FDPS: variants seen among roughly 807,000 people sequenced by gnomAD.
FDPS encodes the protein farnesyl pyrophosphate synthase.
In FDPS, 29 loss-of-function variants were observed where a neutral mutation model predicts 49.5. The observed-to-expected ratio is 0.59, with a 90% CI of 0.44 to 0.80. FDPS has a LOEUF of 0.80. FDPS is among the 30% of genes least tolerant of loss of function. The pLI is 0.00. For synonymous variants in FDPS, 172 were observed against 206.4 expected (o/e 0.83, Z 1.43); for missense variants, 414 against 525.6 (o/e 0.79, Z 2.08).
intron 4 of FDPS, chr1:155,317,699 GC>G (rs1009292367): frequency 5.6e-6 from 2 of 357,246 alleles, no homozygotes; most frequent in African/African-American, 2.1e-5. Flanking sequence ...AAAAAAAATA[GC>G]CAGGCATGGG....
In FDPS at chr1:155,318,150, T is replaced by C. The variant is rs1557980516; in HGVS notation, c.562-19T>C. On this transcript the variant is annotated intron_variant, in intron 5 of 10. Coordinates refer to ENST00000368356, the MANE Select transcript of FDPS (RefSeq NM_002004.4). The surrounding 1 kb of genome is among the most constrained non-coding windows in gnomAD (Gnocchi z 4.2). ...CGAGACTAGAGATTGATTGCTTGTT[T>C]TTCTGTCTGTCATGACAGCCGGGCG... The C allele has an allele frequency of 5.6e-6, 9 of 1,614,112 alleles. No homozygotes were observed. Among genetic ancestry groups the C allele is most frequent in the Non-Finnish European group, 5.9e-6 (7 of 1,180,014 alleles).
Position 155,317,968 on chromosome 1 carries a change from G to T in FDPS, c.508G>T (p.Asp170Tyr). The T allele has an allele frequency of 6.2e-7, 1 of 1,613,110 alleles. No individual in the cohort carries two copies. The highest frequency in any genetic ancestry group is 8.5e-7 in the Non-Finnish European group (1 of 1,180,026). Reference protein sequence around the residue: ...LLQAFFLVADDIMDSSLTRRG... With the variant: ...LLQAFFLVADYIMDSSLTRRG... ...GCAAGCTTTCTTCCTGGTGGCAGATGACATCATGGATTCATCCCTTACCCG... is the reference window on the plus strand; with the variant it reads ...GCAAGCTTTCTTCCTGGTGGCAGATTACATCATGGATTCATCCCTTACCCG... Residue 170 changes from aspartate to tyrosine, a missense_variant, in exon 5 of 11, where the codon GAC becomes TAC. Coordinates refer to ENST00000368356, the MANE Select transcript of FDPS (RefSeq NM_002004.4).
Position 155,309,942 on chromosome 1 carries a change from C to T in FDPS, c.153C>T (p.Cys51=), listed in dbSNP as rs752865589. 25 of 1,605,546 alleles carry T rather than the reference C, an allele frequency of 1.6e-5. 1 individual carries two copies. In the East Asian group the frequency reaches 5.4e-4, roughly 35 times the overall value. ...VLAWHSARCW[C]QAWTEEPRAL... Reference sequence around the variant, plus strand: ...CCTGGCACAGTGCCCGCTGCTGGTGCCAAGCGTGGACAGAGGAACCTCGGT... The same window carrying T: ...CCTGGCACAGTGCCCGCTGCTGGTGTCAAGCGTGGACAGAGGAACCTCGGT... Residue 51 remains cysteine, a synonymous_variant, in exon 2 of 11, where the codon TGC becomes TGT. Coordinates refer to ENST00000368356, the MANE Select transcript of FDPS (RefSeq NM_002004.4).
At position 155,309,983 on chromosome 1, in the gene FDPS, GA is replaced by G; in HGVS notation, c.176+19del. 1.2e-6 allele frequency: 2 copies of G among 1,610,362 alleles called. No individual in the cohort carries two copies. Among genetic ancestry groups the G allele is most frequent in the Non-Finnish European group, 1.7e-6 (2 of 1,177,772 alleles). On this transcript the variant is annotated intron_variant, in intron 2 of 10. Transcript: ENST00000368356. ...GAACCTCGGTGAGTGTGGTTGGGGT[GA>G]GGGGCCTTGGGGAGGGGAGCAGCTG...
At chr1:155,320,266 C>T (rs530309618) in intron 10 of FDPS, 143 bp from the exon 11 acceptor site, 26 of 736,488 alleles carry the variant, frequency 3.5e-5, no homozygotes, top group Non-Finnish European at 5.3e-5. Flanking sequence ...ATTTTAGCTA[C>T]GTAGAGACAC....
At chr1:155,316,776 G>T (rs1394903390) in intron 4 of FDPS, 1 of 149,684 alleles carries the variant, frequency 6.7e-6, no homozygotes, top group East Asian at 2.0e-4. Flanking sequence ...GGGTGATAGA[G>T]TGAGACTCTA....
chr1:155,318,078 A>G lies in FDPS; in HGVS notation c.561+57A>G, dbSNP rs1355715673. The G allele has an allele frequency of 1.9e-6, 3 of 1,609,398 alleles. No homozygotes were observed. Among genetic ancestry groups the G allele is most frequent in the Non-Finnish European group, 2.6e-6 (3 of 1,175,854 alleles). The stretch of plus-strand genomic sequence containing the variant: ...GGGGACAGGCCACAGGGAGGTGGTT[A>G]TATATGGCCTGGTTGAGGTGTTGGG... On this transcript the variant is annotated intron_variant, in intron 5 of 10. Coordinates refer to ENST00000368356, the MANE Select transcript of FDPS (RefSeq NM_002004.4). This position sits in a 1 kb window ranked among gnomAD's most constrained non-coding sequence, Gnocchi z 4.2.
At chr1:155,312,675 G>C in intron 4 of FDPS, 1 of 335,628 alleles carries the variant, frequency 3.0e-6, no homozygotes, top group Non-Finnish European at 5.6e-6. Context: ...CTGAGCAGAG[G>C]ATGGCTATAA....
chr1:155,320,276 C>T (rs1557984397), intron 10 of FDPS, 133 bp from the exon 11 acceptor site: 1 of 781,144 alleles, frequency 1.3e-6, no homozygotes, highest in Admixed American at 2.4e-5. Flanking sequence ...CGTAGAGACA[C>T]TTGAAAATTG....
At chr1:155,315,938 A>G (rs1649336862) in intron 4 of FDPS, among the ~76,000 whole-genome samples, 2 of 151,964 alleles carry the variant, frequency 1.3e-5, no homozygotes, top group African/African-American at 4.8e-5. Flanking sequence ...CTGTCTCAAA[A>G]GAAAATAATA....
chr1:155,319,574 C>G, intron 8 of FDPS, 37 bp from the exon 9 acceptor site: 1 of 1,608,532 alleles, frequency 6.2e-7, no homozygotes, highest in East Asian at 2.2e-5. Context: ...TGCCGGCACC[C>G]CTGGGGTTTG....
At chr1:155,312,212 T>C in intron 3 of FDPS, 43 bp from the exon 4 acceptor site, 1 of 1,607,940 alleles carries the variant, frequency 6.2e-7, no homozygotes, top group South Asian at 1.1e-5. Flanking sequence ...CAGTAGCTGC[T>C]GTATGGACCC....
chr1:155,320,581 C>T lies in FDPS; in HGVS notation c.1232C>T (p.Ala411Val). The change falls in exon 11 of 11, where the codon GCG (alanine) becomes GTG (valine). Residue 411 changes from alanine (A) to valine (V), a missense_variant. By Grantham distance (64) the Ala-to-Val change is moderately conservative. Coordinates refer to ENST00000368356, the MANE Select transcript of FDPS (RefSeq NM_002004.4). ...CCCCCAGCCGTCTTTCTGGGGCTTG[C>T]GCGCAAAATCTACAAGCGGAGAAAG... is the stretch of plus-strand genomic sequence containing the variant. ...PLPPAVFLGL[A>V]RKIYKRRK The T allele has an allele frequency of 1.2e-6, 2 of 1,614,204 alleles. No homozygotes were observed. Among genetic ancestry groups the T allele is most frequent in the Non-Finnish European group, 1.7e-6 (2 of 1,180,018 alleles).
In FDPS at chr1:155,310,046, C is replaced by G; in HGVS notation, c.180C>G (p.Ala60=). Reference sequence around the variant, plus strand: ...GACTTGTTTTTCTTCTACTTAGAGCCCTTTGCTCCTCCCTCAGAATGAACG... The same window carrying G: ...GACTTGTTTTTCTTCTACTTAGAGCGCTTTGCTCCTCCCTCAGAATGAACG... ...WCQAWTEEPR[A]LCSSLRMNGD... The change falls in exon 3 of 11, where the codon GCC becomes GCG. Residue 60 remains alanine (A), a synonymous_variant. Transcript: ENST00000368356. 1 of 1,613,370 alleles carries G rather than the reference C, an allele frequency of 6.2e-7. No individual in the cohort carries two copies. Among genetic ancestry groups the G allele is most frequent in the Non-Finnish European group, 8.5e-7 (1 of 1,180,026 alleles).
In FDPS at chr1:155,320,426, G is replaced by A. The variant is rs770049657; in HGVS notation, c.1077G>A (p.Lys359=). The A allele has an allele frequency of 2.8e-5, 45 of 1,613,344 alleles. No homozygotes were observed. In the South Asian group the frequency reaches 4.9e-4, roughly 18 times the overall value. ...TCTTCCAGGAAAATTACGGGCAGAA[G>A]GAGGCTGAGAAAGTGGCCCGGGTGA... ...YQILKENYGQ[K]EAEKVARVKA... Residue 359 remains lysine, a synonymous_variant, in exon 11 of 11, where the codon AAG becomes AAA. Coordinates refer to ENST00000368356, the MANE Select transcript of FDPS (RefSeq NM_002004.4).
Position 155,320,573 on chromosome 1 carries a change from G to A in FDPS, c.1224G>A (p.Leu408=). The A allele has an allele frequency of 9.3e-6, 15 of 1,614,160 alleles. No homozygotes were observed. Among genetic ancestry groups the A allele is most frequent in the Non-Finnish European group, 1.3e-5 (15 of 1,180,036 alleles). Residue 408 remains leucine, a synonymous_variant, in exon 11 of 11, where the codon CTG becomes CTA. Transcript: ENST00000368356. Reference sequence around the variant, plus strand: ...CACCCCTGCCCCCAGCCGTCTTTCTGGGGCTTGCGCGCAAAATCTACAAGC... The same window carrying A: ...CACCCCTGCCCCCAGCCGTCTTTCTAGGGCTTGCGCGCAAAATCTACAAGC... ...YAAPLPPAVF[L]GLARKIYKRR... is the part of the protein sequence containing the mutation.
At chr1:155,319,056 G>T (rs1015032998) in intron 8 of FDPS, 128 bp downstream of exon 8, 139 of 704,682 alleles carry the variant, frequency 2.0e-4, no homozygotes, top group Non-Finnish European at 3.1e-4. Flanking sequence ...AGTCGGTCTC[G>T]CTCAGTCTCT....
Position 155,309,797 on chromosome 1 carries a change from T to C in FDPS, c.8T>C (p.Leu3Pro). The C allele has an allele frequency of 6.4e-7, 1 of 1,553,358 alleles. No individual in the cohort carries two copies. The highest frequency in any genetic ancestry group is 8.8e-7 in the Non-Finnish European group (1 of 1,142,782). Residue 3 changes from leucine to proline, a missense_variant, in exon 2 of 11, where the codon CTG (leucine) becomes CCG (proline). Transcript: ENST00000368356. MPLSRWLRSVGVF... is the reference protein window; with the variant it reads MPPSRWLRSVGVF... ...CCCTATGCCACTCCCAGGATGCCCC[T>C]GTCCCGCTGGTTGAGATCTGTGGGG... is the stretch of plus-strand genomic sequence containing the variant.
In FDPS at chr1:155,309,858, G is replaced by A; in HGVS notation, c.69G>A (p.Arg23=). ...FLLPAPYWAP[R]ERWLGSLRRP... is the part of the protein sequence containing the mutation. ...TGCCAGCCCCCTACTGGGCACCCCG[G>A]GAGAGGTGGCTGGGTTCCCTACGGC... Residue 23 remains arginine, a synonymous_variant, in exon 2 of 11, where the codon CGG becomes CGA. Coordinates refer to ENST00000368356, the MANE Select transcript of FDPS (RefSeq NM_002004.4). The A allele has an allele frequency of 6.3e-7, 1 of 1,588,456 alleles. No individual in the cohort carries two copies. Among genetic ancestry groups the A allele is most frequent in the Non-Finnish European group, 8.6e-7 (1 of 1,166,292 alleles).
Sources: allele counts gnomAD v4.1 joint callset (sites outside exome capture counted in the v4.1 genomes callset), GRCh38; gene constraint gnomAD v4.1.1; non-coding constraint Gnocchi (gnomAD v3.1); transcripts MANE v1.5; gene names NCBI Gene and HGNC (gene_info 2026-07-23, HGNC 2026-07-21).